CLCA2: variants seen among roughly 807,000 people sequenced by gnomAD.
The protein encoded by CLCA2 is calcium-activated chloride channel regulator 2.
Under a neutral mutation model 82.9 loss-of-function variants are expected in CLCA2, and 85 were observed. The ratio of observed to expected loss-of-function variants is 1.03; its 90% CI spans 0.86 to 1.23. The LOEUF (loss-of-function observed/expected upper bound fraction) is 1.23. Ranked by LOEUF, CLCA2 falls within the 50% of genes most tolerant of loss-of-function variation. The probability of loss-of-function intolerance (pLI) is 0.00; values close to 1 mark genes in which losing one functional copy is unlikely to be tolerated. For synonymous variants in CLCA2, 421 were observed against 391.7 expected (o/e 1.07, Z -0.88); for missense variants, 1,089 against 1,124.8 (o/e 0.97, Z 0.45).
chr1:86,439,110 C>G lies in CLCA2; in HGVS notation c.1203+4C>G, dbSNP rs746161694. ...AGGGCTTAAGAAAGGATTTGAGGTACAGTAGAGCATCCTAAGCCTTGGATC... is the reference window on the plus strand; with the variant it reads ...AGGGCTTAAGAAAGGATTTGAGGTAGAGTAGAGCATCCTAAGCCTTGGATC... On this transcript the variant is annotated splice_donor_region_variant and intron_variant, in intron 7 of 13. Transcript: ENST00000370565. 1 of 1,611,822 alleles carries G rather than the reference C, an allele frequency of 6.2e-7. No homozygotes were observed. Among genetic ancestry groups the G allele is most frequent in the Middle Eastern group, 1.7e-4 (1 of 6,060 alleles).
intron 9 of CLCA2, among the ~76,000 whole-genome samples, chr1:86,443,295 C>T (rs150504111): frequency 1.1e-4 from 17 of 152,308 alleles, no homozygotes; most frequent in African/African-American, 4.1e-4. Context: ...TCCCAAAGTG[C>T]TGGGATTACA....
chr1:86,454,044 C>T (rs1486567894), intron 13 of CLCA2, among the ~76,000 whole-genome samples: 3 of 152,152 alleles, frequency 2.0e-5, no homozygotes, highest in South Asian at 2.1e-4. Flanking sequence ...ATTATGTTTG[C>T]GAGGAAGCCT....
intron 9 of CLCA2, among the ~76,000 whole-genome samples, chr1:86,441,770 A>T (rs1343702099): frequency 2.0e-5 from 3 of 152,192 alleles, no homozygotes; most frequent in Non-Finnish European, 2.9e-5. Flanking sequence ...CTGCGAGTGG[A>T]GCTTGTTCCT....
Position 86,437,517 on chromosome 1 carries a change from G to C in CLCA2, c.973-1359G>C, listed in dbSNP as rs115728933. Among the ~76,000 whole-genome samples, 1,119 of 152,270 alleles carry C rather than the reference G, an allele frequency of 7.3e-3. 19 individuals are homozygous for C. The highest frequency in any genetic ancestry group is 0.026 in the African/African-American group (1,076 of 41,550). On this transcript the variant is annotated intron_variant, in intron 6 of 13. Transcript: ENST00000370565. ...CGCTTGCTAGGTTGGGTGATGTAAG[G>C]AAAGAGAAGAAAGGAGGACATTTGT...
At chr1:86,430,319 G>A (rs1272737827) in intron 3 of CLCA2, among the ~76,000 whole-genome samples, 1 of 152,170 alleles carries the variant, frequency 6.6e-6, no homozygotes, top group Non-Finnish European at 1.5e-5. Flanking sequence ...GGACCATCCA[G>A]GCTGGGGAGA....
intron 8 of CLCA2, 133 bp downstream of exon 8, chr1:86,440,458 T>C (rs1357416941): frequency 2.4e-6 from 2 of 834,746 alleles, no homozygotes; most frequent in Non-Finnish European, 1.8e-6. Context: ...ACACACATAT[T>C]GCTAGAATCT....
chr1:86,440,887 C>A (rs1044878267), intron 8 of CLCA2, among the ~76,000 whole-genome samples: 1 of 152,006 alleles, frequency 6.6e-6, no homozygotes, highest in Non-Finnish European at 1.5e-5. Context: ...GGTGACAGAA[C>A]GAGACCCCAT....
chr1:86,428,527 T>C lies in CLCA2; in HGVS notation c.434T>C (p.Phe145Ser). 6.2e-7 allele frequency: 1 copy of C among 1,613,674 alleles called. No homozygotes were observed. Reference sequence around the variant, plus strand: ...AAATACATTCATTTCACACCTAATTTCCTACTGAATGATAACTTAACAGCT... The same window carrying C: ...AAATACATTCATTTCACACCTAATTCCCTACTGAATGATAACTTAACAGCT... Reference protein sequence around the residue: ...EGKYIHFTPNFLLNDNLTAGY... With the variant: ...EGKYIHFTPNSLLNDNLTAGY... The change falls in exon 3 of 14, where the codon TTC becomes TCC. Residue 145 changes from phenylalanine (F) to serine (S), a missense_variant. Phe to Ser is a radical substitution (Grantham distance 155, BLOSUM62 -2). Transcript: ENST00000370565.
In CLCA2 at chr1:86,450,620, C is replaced by A. The variant is rs770084735; in HGVS notation, c.2042C>A (p.Ala681Glu). The change falls in exon 12 of 14, where the codon GCA becomes GAA. Residue 681 changes from alanine (A) to glutamate (E), a missense_variant. By Grantham distance (107) the Ala-to-Glu change is moderately radical. Transcript: ENST00000370565. ...IYSRYFFSFAANGRYSLKVHV... is the reference protein window; with the variant it reads ...IYSRYFFSFAENGRYSLKVHV... Reference sequence around the variant, plus strand: ...TCGAGGTATTTTTTCTCCTTTGCTGCAAATGGTAGATATAGCTTGAAAGTG... The same window carrying A: ...TCGAGGTATTTTTTCTCCTTTGCTGAAAATGGTAGATATAGCTTGAAAGTG... 2 of 1,612,910 alleles carry A rather than the reference C, an allele frequency of 1.2e-6. No homozygotes were observed. Among genetic ancestry groups the A allele is most frequent in the East Asian group, 2.2e-5 (1 of 44,840 alleles).
intron 9 of CLCA2, among the ~76,000 whole-genome samples, chr1:86,442,557 A>G (rs1662756854): frequency 6.6e-6 from 1 of 152,232 alleles, no homozygotes; most frequent in African/African-American, 2.4e-5. Flanking sequence ...AGGGCCCAGC[A>G]TAGCATGTGG....
Position 86,432,423 on chromosome 1 carries a change from A to G in CLCA2, c.639A>G (p.Gln213=), listed in dbSNP as rs1312986333. Residue 213 remains glutamine (Q), a synonymous_variant, in exon 5 of 14, where the codon CAA becomes CAG. Coordinates refer to ENST00000370565, the MANE Select transcript of CLCA2 (RefSeq NM_006536.7). ...TGTGTGAAAAAGGTCCTTGCCCCCA[A>G]GAAAACTGTATTATTAGTAAGCTTT... ...IFVCEKGPCP[Q]ENCIISKLFK... The G allele has an allele frequency of 1.9e-6, 3 of 1,613,958 alleles. No individual in the cohort carries two copies. The highest frequency in any genetic ancestry group is 1.7e-5 in the Admixed American group (1 of 59,994).
intron 3 of CLCA2, 131 bp downstream of exon 3, chr1:86,428,699 T>A: frequency 1.0e-6 from 1 of 953,286 alleles, no homozygotes; most frequent in Admixed American, 2.8e-5. Context: ...GGGAGATAGG[T>A]CATATGCCCA....
In CLCA2 at chr1:86,455,222, A is replaced by G. The variant is rs777663730; in HGVS notation, c.2527A>G (p.Ile843Val). The change falls in exon 14 of 14, where the codon ATT becomes GTT. Residue 843 changes from isoleucine to valine, a missense_variant. Transcript: ENST00000370565. ...IREIFTFSPQ[I>V]STNGPEHQPN... Reference sequence around the variant, plus strand: ...GGAGATATTTACGTTCTCACCCCAAATTTCCACGAATGGACCTGAACATCA... The same window carrying G: ...GGAGATATTTACGTTCTCACCCCAAGTTTCCACGAATGGACCTGAACATCA... 1.2e-6 allele frequency: 2 copies of G among 1,614,138 alleles called. No individual in the cohort carries two copies. Among genetic ancestry groups the G allele is most frequent in the Non-Finnish European group, 1.7e-6 (2 of 1,180,008 alleles).
chr1:86,430,955 A>T lies in CLCA2; in HGVS notation c.569A>T (p.Gln190Leu), dbSNP rs770290474. ...DKPFYINGQN[Q>L]IKVTRCSSDI... ...CCTTTCTACATAAATGGGCAAAATC[A>T]AATTAAAGTGACAAGGTTAGTACTT... The change falls in exon 4 of 14, where the codon CAA becomes CTA. Residue 190 changes from glutamine to leucine, a missense_variant. Transcript: ENST00000370565. The T allele has an allele frequency of 6.2e-7, 1 of 1,610,216 alleles. No individual in the cohort carries two copies.
In CLCA2 at chr1:86,450,732, C is replaced by T. The variant is rs140158852; in HGVS notation, c.2154C>T (p.Asn718=). 6.4e-5 allele frequency: 102 copies of T among 1,596,870 alleles called. No individual in the cohort carries two copies. Among genetic ancestry groups the T allele is most frequent in the Non-Finnish European group, 7.6e-5 (89 of 1,171,218 alleles). ...HAMYVPGYTA[N]GNIQMNAPRK... The stretch of plus-strand genomic sequence containing the variant: ...TGTATGTACCAGGTTACACAGCAAA[C>T]GGTAAGAACCATTAGCACTGTTATT... The change falls in exon 12 of 14, where the codon AAC becomes AAT. Residue 718 remains asparagine (N), a splice_region_variant and synonymous_variant. Transcript: ENST00000370565.
rs936582708 is a variant in CLCA2, at chr1:86,447,576, C to T, written c.1782C>T (p.Thr594=). 1.1e-5 allele frequency: 18 copies of T among 1,613,984 alleles called. No individual in the cohort carries two copies. Among genetic ancestry groups the T allele is most frequent in the Middle Eastern group, 3.3e-4 (2 of 6,084 alleles). Residue 594 remains threonine (T), a synonymous_variant, in exon 11 of 14, where the codon ACC becomes ACT. Transcript: ENST00000370565. ...TGCAAGCCCTGAAAGTGACAGTGACCTCTCGCGCCTCCAACTCAGCTGTGC... is the reference window on the plus strand; with the variant it reads ...TGCAAGCCCTGAAAGTGACAGTGACTTCTCGCGCCTCCAACTCAGCTGTGC... ...HSLQALKVTV[T]SRASNSAVPP...
rs1407949274 is a variant in CLCA2 at position 86,439,117 on chromosome 1, G to T, written c.1203+11G>T. ...AAGAAAGGATTTGAGGTACAGTAGA[G>T]CATCCTAAGCCTTGGATCACCATCA... is the stretch of plus-strand genomic sequence containing the variant. On this transcript the variant is annotated intron_variant, in intron 7 of 13. Coordinates refer to ENST00000370565, the MANE Select transcript of CLCA2 (RefSeq NM_006536.7). 1 of 1,609,282 alleles carries T rather than the reference G, an allele frequency of 6.2e-7. No homozygotes were observed. The highest frequency in any genetic ancestry group is 8.5e-7 in the Non-Finnish European group (1 of 1,175,720).
At chr1:86,430,999 A>G (rs1662488075) in intron 4 of CLCA2, 29 bp downstream of exon 4, 1 of 1,480,958 alleles carries the variant, frequency 6.8e-7, no homozygotes, top group African/African-American at 1.4e-5. Context: ...GTTATAATTC[A>G]TTATTTATTT....
intron 6 of CLCA2, among the ~76,000 whole-genome samples, chr1:86,435,694 T>G (rs1051870827): frequency 6.6e-6 from 1 of 152,212 alleles, no homozygotes; most frequent in Non-Finnish European, 1.5e-5. Flanking sequence ...GAGAGTCAAC[T>G]TTTAAAGTTT....
Sources: allele counts gnomAD v4.1 joint callset (sites outside exome capture counted in the v4.1 genomes callset), GRCh38; gene constraint gnomAD v4.1.1; transcripts MANE v1.5; gene names NCBI Gene and HGNC (gene_info 2026-07-23, HGNC 2026-07-21).